EYS: variants seen among roughly 807,000 people sequenced by gnomAD.
EYS encodes protein eyes shut homolog.
EYS carries 250 observed loss-of-function variants against 282.1 expected under a neutral mutation model. The ratio of observed to expected loss-of-function variants is 0.89; its 90% CI spans 0.80 to 0.98. The LOEUF (loss-of-function observed/expected upper bound fraction) is 0.98. Among genes scored for constraint, EYS ranks in the 50% least tolerant of loss-of-function variants. EYS has a pLI of 0.00. For missense variants in EYS, 4,016 were observed against 3,709.0 expected (o/e 1.08, Z -2.15); for synonymous variants, 1,355 against 1,282.9 (o/e 1.06, Z -1.20).
At chr6:65,429,822 T>C (rs1767810681) in intron 5 of EYS, among the ~76,000 whole-genome samples, 1 of 99,656 alleles carries the variant, frequency 1.0e-5, no homozygotes, top group African/African-American at 4.2e-5. Context: ...ATGAAGAAAA[T>C]AACACTTGAT....
chr6:65,194,068 C>T (rs1176438310), intron 12 of EYS, among the ~76,000 whole-genome samples: 1 of 151,982 alleles, frequency 6.6e-6, no homozygotes, highest in Middle Eastern at 3.4e-3. Flanking sequence ...TCTCTTTTCG[C>T]CCATAAACTT....
At chr6:65,039,431 T>A (rs1425315619) in intron 13 of EYS, among the ~76,000 whole-genome samples, 1 of 151,502 alleles carries the variant, frequency 6.6e-6, no homozygotes, top group Non-Finnish European at 1.5e-5. Flanking sequence ...ATTTGTCAAC[T>A]TTTTCTTGTA....
At chr6:64,516,147 A>C (rs1047726478) in intron 26 of EYS, among the ~76,000 whole-genome samples, 2 of 151,792 alleles carry the variant, frequency 1.3e-5, no homozygotes, top group Non-Finnish European at 2.9e-5. Context: ...GGAACAACAC[A>C]CACTGGACCT....
At chr6:63,865,333 A>T (rs1218670461) in intron 35 of EYS, among the ~76,000 whole-genome samples, 2 of 152,252 alleles carry the variant, frequency 1.3e-5, no homozygotes, top group Non-Finnish European at 2.9e-5. Flanking sequence ...ATTATTGATT[A>T]TCTGGGTACC....
chr6:65,442,888 GTACATATATGTATATATA>G lies in EYS; in HGVS notation c.863-37539_863-37522del, dbSNP rs1768407775. On this transcript the variant is annotated intron_variant, in intron 5 of 42. Coordinates refer to ENST00000503581, the MANE Select transcript of EYS (RefSeq NM_001142800.2). Reference sequence around the variant, plus strand: ...TATACATACATATACACATACATATGTACATATATGTATATATACATGCACATACATATGTACATATAT... The same window carrying G: ...TATACATACATATACACATACATATGCATGCACATACATATGTACATATAT... Among the ~76,000 whole-genome samples the G allele has an allele frequency of 2.0e-5, 2 of 100,226 alleles. 1 individual carries two copies. Among genetic ancestry groups the G allele is most frequent in the Non-Finnish European group, 5.1e-5 (2 of 39,384 alleles). The allele number at this position is 100,226 out of a possible 152,430, so 65.8% of individuals were successfully genotyped here.
intron 11 of EYS, among the ~76,000 whole-genome samples, chr6:65,315,710 G>A (rs1446821208): frequency 6.9e-6 from 1 of 144,600 alleles, no homozygotes; most frequent in South Asian, 2.3e-4. Context: ...TATAAATCAT[G>A]TTGCTCTGGG....
chr6:64,850,527 G>T (rs1309377532), intron 19 of EYS, among the ~76,000 whole-genome samples: 1 of 151,922 alleles, frequency 6.6e-6, no homozygotes, highest in East Asian at 1.9e-4. Context: ...AATAAGCATA[G>T]GCATATTAGA....
chr6:65,194,293 A>C (rs1765712852), intron 12 of EYS, among the ~76,000 whole-genome samples: 1 of 152,002 alleles, frequency 6.6e-6, no homozygotes, highest in Non-Finnish European at 1.5e-5. Context: ...CCATTACTAC[A>C]GTTTGATATT....
chr6:65,146,567 A>C (rs551180051), intron 12 of EYS, among the ~76,000 whole-genome samples: 4 of 152,058 alleles, frequency 2.6e-5, no homozygotes, highest in East Asian at 1.9e-4. Flanking sequence ...GCTTTCTTCA[A>C]GTGATGGTTG....
chr6:63,942,554 C>T (rs940448185), intron 35 of EYS, among the ~76,000 whole-genome samples: 1 of 152,054 alleles, frequency 6.6e-6, no homozygotes, highest in African/African-American at 2.4e-5. Context: ...GAAGCAGTGC[C>T]AGAAAACAAA....
intron 30 of EYS, among the ~76,000 whole-genome samples, chr6:64,240,529 T>C (rs578073277): frequency 6.6e-6 from 1 of 152,058 alleles, no homozygotes; most frequent in African/African-American, 2.4e-5. Context: ...TGAATGGGAG[T>C]TCACTCATGA....
At chr6:65,148,201 C>A (rs1764525311) in intron 12 of EYS, among the ~76,000 whole-genome samples, 1 of 152,072 alleles carries the variant, frequency 6.6e-6, no homozygotes, top group Non-Finnish European at 1.5e-5. Context: ...AAGTCCAAGT[C>A]CAAAGTCTCA....
intron 32 of EYS, among the ~76,000 whole-genome samples, chr6:64,067,518 TTA>T (rs1388692836): frequency 6.6e-6 from 1 of 152,156 alleles, no homozygotes; most frequent in Non-Finnish European, 1.5e-5. Flanking sequence ...AGTCTTCCCT[TTA>T]TGACAGTCCC....
At chr6:63,789,302 T>A (rs2149670984) in intron 37 of EYS, 78 bp from the exon 38 acceptor site, 2 of 1,392,774 alleles carry the variant, frequency 1.4e-6, no homozygotes, top group East Asian at 5.0e-5. Flanking sequence ...TACTGACTGG[T>A]TCTGAATTAC....
In EYS at chr6:63,820,410, T is replaced by C. The variant is rs1771291973; in HGVS notation, c.7229-14038A>G. On this transcript the variant is annotated intron_variant, in intron 36 of 42. Coordinates refer to ENST00000503581, the MANE Select transcript of EYS (RefSeq NM_001142800.2). ...AGTTTCTTCAAATCTATTGTTTTTCTACTGACTTTAGATGTGAAATCCTTT... is the reference window on the plus strand; with the variant it reads ...AGTTTCTTCAAATCTATTGTTTTTCCACTGACTTTAGATGTGAAATCCTTT... Among the ~76,000 whole-genome samples the C allele has an allele frequency of 2.0e-5, 3 of 152,220 alleles. No homozygotes were observed. In the South Asian group the frequency reaches 6.2e-4, roughly 32 times the overall value.
chr6:65,603,383 A>T (rs1012273934), intron 2 of EYS, among the ~76,000 whole-genome samples: 1 of 151,974 alleles, frequency 6.6e-6, no homozygotes, highest in Non-Finnish European at 1.5e-5. Context: ...GTCATTTGTC[A>T]ATTGGGATAA....
chr6:65,118,919 CAAGTT>C (rs1775453136), intron 12 of EYS, among the ~76,000 whole-genome samples: 2 of 149,764 alleles, frequency 1.3e-5, no homozygotes, highest in Admixed American at 1.3e-4. Context: ...TATGCCCAAT[CAAGTT>C]GTCATTGAGA....
intron 33 of EYS, among the ~76,000 whole-genome samples, chr6:64,010,391 G>GT (rs1190071594): frequency 7.7e-6 from 1 of 129,288 alleles, no homozygotes; most frequent in Non-Finnish European, 1.6e-5. Context: ...TGTGTGTTTG[G>GT]TTGGGGGGGG....
At chr6:63,980,380 A>T (rs977200274) in intron 35 of EYS, among the ~76,000 whole-genome samples, 3 of 151,810 alleles carry the variant, frequency 2.0e-5, no homozygotes, top group African/African-American at 7.2e-5. Flanking sequence ...TTAAACTGTG[A>T]TGAGAAATTG....
Sources: allele counts gnomAD v4.1 joint callset (sites outside exome capture counted in the v4.1 genomes callset), GRCh38; gene constraint gnomAD v4.1.1; transcripts MANE v1.5; gene names NCBI Gene and HGNC (gene_info 2026-07-23, HGNC 2026-07-21).